ATP8A1: variants seen among roughly 807,000 people sequenced by gnomAD.
ATP8A1 encodes the protein ATPase phospholipid transporting 8A1.
A neutral mutation model predicts 177.7 loss-of-function variants in ATP8A1; 90 were observed. That is an observed-to-expected ratio of 0.51 (90% CI 0.43 to 0.60). ATP8A1 has a LOEUF of 0.60. ATP8A1 is among the 20% of genes least tolerant of loss of function. The probability of loss-of-function intolerance (pLI) is 0.00; values close to 1 mark genes in which losing one functional copy is unlikely to be tolerated. For synonymous variants in ATP8A1, 493 were observed against 485.9 expected, an observed-to-expected ratio of 1.01 and a Z score of -0.19; for missense variants, 1,072 against 1,392.8, an observed-to-expected ratio of 0.77 and a Z score of 3.67.
intron 4 of ATP8A1, among the ~76,000 whole-genome samples, chr4:42,622,152 G>T (rs532607020): frequency 6.6e-6 from 1 of 151,854 alleles, no homozygotes; most frequent in Admixed American, 6.6e-5. Flanking sequence ...AAGGTGGGTG[G>T]ATCACCTGAG....
intron 1 of ATP8A1, among the ~76,000 whole-genome samples, chr4:42,639,349 C>T (rs1046614349): frequency 3.3e-5 from 5 of 152,122 alleles, no homozygotes; most frequent in Admixed American, 6.5e-5. Flanking sequence ...CTCGATTTTT[C>T]CCCCTTTCAT....
At chr4:42,510,158 C>T (rs532055919) in intron 22 of ATP8A1, among the ~76,000 whole-genome samples, 1 of 152,172 alleles carries the variant, frequency 6.6e-6, no homozygotes, top group Non-Finnish European at 1.5e-5. Context: ...CAATATATTC[C>T]AAATAATATG....
At chr4:42,534,098 A>G (rs1396378481) in intron 20 of ATP8A1, among the ~76,000 whole-genome samples, 1 of 152,224 alleles carries the variant, frequency 6.6e-6, no homozygotes, top group Non-Finnish European at 1.5e-5. Flanking sequence ...AATTCTGGTA[A>G]TATGACAAAA....
intron 20 of ATP8A1, among the ~76,000 whole-genome samples, chr4:42,525,642 C>T (rs891194448): frequency 2.0e-5 from 3 of 152,190 alleles, no homozygotes; most frequent in Non-Finnish European, 4.4e-5. Flanking sequence ...AAACTGCCTA[C>T]TATTCATTTA....
At chr4:42,642,548 A>T (rs1353272064) in intron 1 of ATP8A1, among the ~76,000 whole-genome samples, 1 of 152,236 alleles carries the variant, frequency 6.6e-6, no homozygotes, top group Non-Finnish European at 1.5e-5. Flanking sequence ...TGGGCTGCAA[A>T]GACTGAAAAG....
chr4:42,484,895 C>T (rs1013399079), intron 25 of ATP8A1, among the ~76,000 whole-genome samples: 45 of 152,088 alleles, frequency 3.0e-4, no homozygotes, highest in African/African-American at 1.0e-3. Flanking sequence ...CTTAGGAAGA[C>T]GGAGTTTAAA....
Position 42,532,454 on chromosome 4 carries a change from C to T in ATP8A1, c.1723-7607G>A, listed in dbSNP as rs28590082. Among the ~76,000 whole-genome samples the T allele has an allele frequency of 9.7e-3, 1,468 of 152,056 alleles. 17 individuals are homozygous for T. The highest frequency in any genetic ancestry group is 0.033 in the African/African-American group (1,370 of 41,472). On this transcript the variant is annotated intron_variant, in intron 20 of 36. Transcript: ENST00000381668. Reference sequence around the variant, plus strand: ...TGAGCTGAGATCGTGCCACTGTACTCCAGTCTGGGTGACAAACTCCATCTC... The same window carrying T: ...TGAGCTGAGATCGTGCCACTGTACTTCAGTCTGGGTGACAAACTCCATCTC...
Position 42,575,605 on chromosome 4 carries a change from C to G in ATP8A1, c.1206+17G>C. The G allele has an allele frequency of 1.9e-6, 3 of 1,608,456 alleles. No homozygotes were observed. Among genetic ancestry groups the G allele is most frequent in the Non-Finnish European group, 2.6e-6 (3 of 1,175,418 alleles). ...ACTTTTTAATTCCACACATAATCAA[C>G]AATAAATTGAGTTTACCTGGCCAAG... is the stretch of plus-strand genomic sequence containing the variant. On this transcript the variant is annotated intron_variant, in intron 13 of 36. Coordinates refer to ENST00000381668, the MANE Select transcript of ATP8A1 (RefSeq NM_006095.2).
At chr4:42,469,935 T>A (rs1044519385) in intron 25 of ATP8A1, among the ~76,000 whole-genome samples, 4 of 152,226 alleles carry the variant, frequency 2.6e-5, no homozygotes, top group African/African-American at 9.6e-5. Flanking sequence ...GCTGAGAATA[T>A]CTAAAACCTA....
intron 1 of ATP8A1, among the ~76,000 whole-genome samples, chr4:42,638,999 TACC>T (rs1313682739): frequency 7.2e-5 from 11 of 152,178 alleles, no homozygotes; most frequent in African/African-American, 2.4e-4. Context: ...CAAAGGGGAA[TACC>T]AGGCCATGTC....
Position 42,437,614 on chromosome 4 carries a change from G to A in ATP8A1, c.3123+5951C>T, listed in dbSNP as rs902508432. ...CCCACTGCCCCTAACCCCCGATATC[G>A]TAATTCCTTTTGAACAGTTAAATAT... On this transcript the variant is annotated intron_variant, in intron 33 of 36. Coordinates refer to ENST00000381668, the MANE Select transcript of ATP8A1 (RefSeq NM_006095.2). Among the ~76,000 whole-genome samples the A allele has an allele frequency of 5.9e-5, 9 of 152,058 alleles. No individual in the cohort carries two copies. The South Asian group carries it at 8.3e-4, about 14-fold the overall frequency.
chr4:42,449,671 C>T (rs893378533), intron 30 of ATP8A1, among the ~76,000 whole-genome samples: 1 of 152,190 alleles, frequency 6.6e-6, no homozygotes, highest in East Asian at 1.9e-4. Context: ...GTAGTTTATG[C>T]TAAACGTCAA....
intron 15 of ATP8A1, among the ~76,000 whole-genome samples, chr4:42,558,770 A>AT (rs1243571472): frequency 2.6e-5 from 4 of 152,318 alleles, no homozygotes; most frequent in South Asian, 2.1e-4. Context: ...TATGTGAAAC[A>AT]TTTTTTTAAA....
chr4:42,483,813 TCCAA>T (rs1283094098), intron 25 of ATP8A1, among the ~76,000 whole-genome samples: 1 of 152,180 alleles, frequency 6.6e-6, no homozygotes, highest in Non-Finnish European at 1.5e-5. Flanking sequence ...CCCACATCTT[TCCAA>T]CCAAACTGTG....
In ATP8A1 at chr4:42,471,833, T is replaced by C. The variant is rs569986484; in HGVS notation, c.2325-6757A>G. 1,599 of 560,986 alleles carry C rather than the reference T, an allele frequency of 2.9e-3. 13 individuals carry two copies. Among genetic ancestry groups the C allele is most frequent in the Non-Finnish European group, 2.6e-3 (766 of 289,468 alleles). 34.8% of individuals were successfully genotyped at this position (560,986 alleles called of 1,614,324 possible). On this transcript the variant is annotated intron_variant, in intron 25 of 36. Coordinates refer to ENST00000381668, the MANE Select transcript of ATP8A1 (RefSeq NM_006095.2). ...CCATGTTCATTTCAAGCACCAAGAC[T>C]GTGAAGCCCAACAGCGAGACGCCAA...
intron 5 of ATP8A1, among the ~76,000 whole-genome samples, chr4:42,601,608 T>A (rs1735285036): frequency 6.6e-6 from 1 of 152,080 alleles, no homozygotes; most frequent in African/African-American, 2.4e-5. Context: ...GCACAGCACT[T>A]AGTACTTAGG....
chr4:42,484,573 T>C (rs1202654942), intron 25 of ATP8A1, among the ~76,000 whole-genome samples: 1 of 152,146 alleles, frequency 6.6e-6, no homozygotes, highest in Non-Finnish European at 1.5e-5. Flanking sequence ...TTTAAGTGAA[T>C]AAACCCAGAC....
chr4:42,488,107 G>A (rs1225343419), intron 24 of ATP8A1, among the ~76,000 whole-genome samples: 1 of 151,990 alleles, frequency 6.6e-6, no homozygotes, highest in Admixed American at 6.6e-5. Context: ...GATATCCCCT[G>A]GATTATCTTA....
chr4:42,578,595 C>G (rs1732712063), intron 11 of ATP8A1, among the ~76,000 whole-genome samples: 1 of 152,058 alleles, frequency 6.6e-6, no homozygotes, highest in Non-Finnish European at 1.5e-5. Flanking sequence ...CAGGTAAGAG[C>G]TGTATAAAAG....
Sources: allele counts gnomAD v4.1 joint callset (sites outside exome capture counted in the v4.1 genomes callset), GRCh38; gene constraint gnomAD v4.1.1; transcripts MANE v1.5; gene names NCBI Gene and HGNC (gene_info 2026-07-23, HGNC 2026-07-21).